Variants in CATSPER3 observed in about 807,000 individuals in gnomAD.
CATSPER3 encodes cation channel sperm associated 3.
In CATSPER3, 23 loss-of-function variants were observed where a neutral mutation model predicts 36.6. That is an observed-to-expected ratio of 0.63 (90% CI 0.45 to 0.89). The LOEUF is 0.89. Ranked by LOEUF, CATSPER3 falls within the 40% of genes least tolerant of loss-of-function variation. The pLI, the probability that CATSPER3 is intolerant of heterozygous loss-of-function variation, is 0.00. For missense variants in CATSPER3, 474 were observed against 503.9 expected, an observed-to-expected ratio of 0.94 and a Z score of 0.57; for synonymous variants, 172 against 184.1, an observed-to-expected ratio of 0.93 and a Z score of 0.53.
chr5:135,005,175 C>T (rs866917247), intron 3 of CATSPER3, among the ~76,000 whole-genome samples: 7 of 152,200 alleles, frequency 4.6e-5, no homozygotes, highest in Admixed American at 1.3e-4. Flanking sequence ...GCTTAGTGCA[C>T]CGTCTTGGCT....
At chr5:135,003,513 T>G (rs1266208055) in intron 3 of CATSPER3, among the ~76,000 whole-genome samples, 1 of 152,220 alleles carries the variant, frequency 6.6e-6, no homozygotes, top group Non-Finnish European at 1.5e-5. Flanking sequence ...TGCAGAAGTT[T>G]CTGCTGCCTT....
At chr5:134,977,563 C>A (rs1005357113) in intron 2 of CATSPER3, among the ~76,000 whole-genome samples, 4 of 152,168 alleles carry the variant, frequency 2.6e-5, no homozygotes, top group Non-Finnish European at 5.9e-5. Context: ...AACCATTTAA[C>A]CAGTCTCTAA....
At chr5:134,998,104 G>A (rs1751973865) in intron 3 of CATSPER3, among the ~76,000 whole-genome samples, 1 of 151,982 alleles carries the variant, frequency 6.6e-6, no homozygotes, top group African/African-American at 2.4e-5. Flanking sequence ...GGTGTGTGAT[G>A]TTCCCCTTCC....
intron 2 of CATSPER3, among the ~76,000 whole-genome samples, chr5:134,991,520 G>A (rs745859948): frequency 7.2e-5 from 11 of 152,044 alleles, no homozygotes; most frequent in East Asian, 1.9e-4. Flanking sequence ...TTTTGATAAC[G>A]GGGTCAAGAC....
intron 7 of CATSPER3, 135 bp from the exon 8 acceptor site, chr5:135,011,386 C>T (rs1006406607): frequency 4.2e-6 from 3 of 719,796 alleles, no homozygotes; most frequent in Non-Finnish European, 7.4e-6. Context: ...CCAACCCAGC[C>T]TCATCTGGCT....
intron 1 of CATSPER3, chr5:134,968,299 C>G: frequency 1.8e-6 from 1 of 559,924 alleles, no homozygotes; most frequent in Non-Finnish European, 3.2e-6. Context: ...CCAGTTTGAC[C>G]AGTTTGACTG....
chr5:134,968,584 A>C (rs6885196), intron 1 of CATSPER3: 2 of 162,174 alleles, frequency 1.2e-5, no homozygotes, highest in African/African-American at 4.8e-5. Context: ...CCAGCTACTC[A>C]GGATGCTGAG....
chr5:134,973,413 A>G (rs964504561), intron 2 of CATSPER3, among the ~76,000 whole-genome samples: 1 of 152,212 alleles, frequency 6.6e-6, no homozygotes, highest in Non-Finnish European at 1.5e-5. Context: ...GTATGTCTGT[A>G]ATACAGGATA....
In CATSPER3 at chr5:134,999,472, G is replaced by A. The variant is rs559123791; in HGVS notation, c.492+2960G>A. ...AAGTCATTGGTAGCTTGATGGGGAT[G>A]GCATTGAATCTATAAATTACCTTGG... On this transcript the variant is annotated intron_variant, in intron 3 of 7. Transcript: ENST00000282611. Among the ~76,000 whole-genome samples the A allele has an allele frequency of 6.9e-3, 1,048 of 152,172 alleles. 11 individuals are homozygous for A. Among genetic ancestry groups the A allele is most frequent in the Non-Finnish European group, 0.01 (703 of 68,016 alleles).
At chr5:134,974,542 G>A (rs1401992182) in intron 2 of CATSPER3, among the ~76,000 whole-genome samples, 1 of 152,090 alleles carries the variant, frequency 6.6e-6, no homozygotes, top group Non-Finnish European at 1.5e-5. Flanking sequence ...AGGGATATTG[G>A]CCTTGAAATA....
chr5:134,999,509 A>G (rs1352252894), intron 3 of CATSPER3, among the ~76,000 whole-genome samples: 1 of 152,132 alleles, frequency 6.6e-6, no homozygotes, highest in Non-Finnish European at 1.5e-5. Flanking sequence ...CAGTATGGCC[A>G]TTTTCACGAT....
chr5:134,981,876 T>C (rs1461675062), intron 2 of CATSPER3, among the ~76,000 whole-genome samples: 1 of 152,186 alleles, frequency 6.6e-6, no homozygotes, highest in Non-Finnish European at 1.5e-5. Context: ...CTGCCTGTAA[T>C]CCCGGCAATT....
intron 2 of CATSPER3, among the ~76,000 whole-genome samples, chr5:134,988,750 G>A (rs1376930042): frequency 1.3e-5 from 2 of 151,986 alleles, no homozygotes; most frequent in South Asian, 2.1e-4. Context: ...AGTCATCCAC[G>A]AGGGTTGGAA....
At chr5:134,995,578 A>G (rs954793583) in intron 2 of CATSPER3, 4 of 157,802 alleles carry the variant, frequency 2.5e-5, no homozygotes, top group African/African-American at 9.7e-5. Flanking sequence ...CGGGGGCTGG[A>G]CGTTTTCTGC....
At chr5:134,994,744 G>GCT (rs1291018126) in intron 2 of CATSPER3, among the ~76,000 whole-genome samples, 4 of 151,256 alleles carry the variant, frequency 2.6e-5, no homozygotes, top group East Asian at 1.9e-4. Flanking sequence ...CTGCTGCTCT[G>GCT]CTCTCTCTCT....
rs537647871 is a variant in CATSPER3 at position 135,010,316 on chromosome 5, G to C, written c.937-57G>C. Reference sequence around the variant, plus strand: ...CATCCTGGAGAGTCTCCATGTCTCTGTGCAGCTCGGCTGTCACCTCCTCAT... The same window carrying C: ...CATCCTGGAGAGTCTCCATGTCTCTCTGCAGCTCGGCTGTCACCTCCTCAT... On this transcript the variant is annotated intron_variant, in intron 6 of 7. Transcript: ENST00000282611. 2.0e-6 allele frequency: 3 copies of C among 1,482,242 alleles called. No homozygotes were observed. In the South Asian group the frequency reaches 3.4e-5, roughly 17 times the overall value. The allele number at this position is 1,482,242 out of a possible 1,614,324, so 91.8% of individuals were successfully genotyped here.
intron 2 of CATSPER3, among the ~76,000 whole-genome samples, chr5:134,980,919 G>A (rs1018651727): frequency 2.0e-5 from 3 of 151,860 alleles, no homozygotes; most frequent in African/African-American, 7.3e-5. Context: ...TGTAGATACA[G>A]TATCTCACTA....
rs1752168291 is a variant in CATSPER3 at position 135,010,515 on chromosome 5, A to G, written c.1079A>G (p.Asp360Gly). The part of the protein sequence containing the change: ...DIYFSTLDYQ[D>G]TTVHKLQELY... The stretch of plus-strand genomic sequence containing the variant: ...TACTTTTCCACTCTGGACTACCAGG[A>G]CACAACTGTCCACAAGTCAGTTCCA... Residue 360 changes from aspartate to glycine, a missense_variant, in exon 7 of 8, where the codon GAC becomes GGC. Coordinates refer to ENST00000282611, the MANE Select transcript of CATSPER3 (RefSeq NM_178019.3). The G allele has an allele frequency of 6.2e-7, 1 of 1,614,028 alleles. No homozygotes were observed. Among genetic ancestry groups the G allele is most frequent in the Admixed American group, 1.7e-5 (1 of 60,004 alleles).
chr5:134,977,927 A>C (rs74845789), intron 2 of CATSPER3, among the ~76,000 whole-genome samples: 1 of 152,024 alleles, frequency 6.6e-6, no homozygotes, highest in African/African-American at 2.4e-5. Flanking sequence ...AGAGGGGGGA[A>C]CTGCCACACA....
Sources: allele counts gnomAD v4.1 joint callset (sites outside exome capture counted in the v4.1 genomes callset), GRCh38; gene constraint gnomAD v4.1.1; transcripts MANE v1.5; gene names NCBI Gene and HGNC (gene_info 2026-07-23, HGNC 2026-07-21).